RHD: variants seen among roughly 807,000 people sequenced by gnomAD.
The protein encoded by RHD is blood group Rh(D) polypeptide.
Under a neutral mutation model 45.5 loss-of-function variants are expected in RHD, and 16 were observed. The observed-to-expected ratio is 0.35, with a 90% CI of 0.24 to 0.53. The LOEUF is 0.53. Ranked by LOEUF, RHD falls within the 20% of genes least tolerant of loss-of-function variation. The pLI, the probability that RHD is intolerant of heterozygous loss-of-function variation, is 0.92. For synonymous variants in RHD, 131 were observed against 217.5 expected (o/e 0.60, Z 3.50); for missense variants, 306 against 532.0 (o/e 0.58, Z 4.18).
intron 1 of RHD, among the ~76,000 whole-genome samples, chr1:25,276,786 G>C (rs1238938215): frequency 1.5e-5 from 2 of 132,022 alleles, no homozygotes; most frequent in Admixed American, 7.4e-5. Context: ...AAACATAAAG[G>C]CTGGGTGTAG....
intron 3 of RHD, among the ~76,000 whole-genome samples, chr1:25,293,623 A>G (rs1426046399): frequency 1.5e-5 from 2 of 131,342 alleles, no homozygotes; most frequent in African/African-American, 5.2e-5. Context: ...AGGATTTAGA[A>G]ATTTATAATA....
Position 25,308,854 on chromosome 1 carries a change from C to A in RHD, c.1073+2125C>A, listed in dbSNP as rs191616274. Among the ~76,000 whole-genome samples, 22 of 131,168 alleles carry A rather than the reference C, an allele frequency of 1.7e-4. No individual in the cohort carries two copies. In the East Asian group the frequency reaches 4.1e-3, roughly 25 times the overall value. 86.1% of individuals were successfully genotyped at this position (131,168 alleles called of 152,430 possible). A position where few individuals can be genotyped will look rare whatever the true frequency, so the allele number is the denominator to read the frequency against. ...GGCGTGGGCTTCACCAGTGGTGAAG[C>A]CAGTCATGCAGCCTTAGTCCTGGTA... On this transcript the variant is annotated intron_variant, in intron 7 of 9. Coordinates refer to ENST00000328664, the MANE Select transcript of RHD (RefSeq NM_016124.6).
In RHD at chr1:25,306,764, A is replaced by G. The variant is rs1447367559; in HGVS notation, c.1073+35A>G. The G allele has an allele frequency of 7.3e-6, 10 of 1,366,346 alleles. 2 individuals carry two copies. Among genetic ancestry groups the G allele is most frequent in the Non-Finnish European group, 9.3e-6 (9 of 970,892 alleles). The allele number at this position is 1,366,346 out of a possible 1,614,324, so 84.6% of individuals were successfully genotyped here. On this transcript the variant is annotated intron_variant, in intron 7 of 9. Transcript: ENST00000328664. ...TGGGCTTACCCCCCATCCCCTTAACACTCCCCTCCAACTCAGGAAGAAATG... is the reference window on the plus strand; with the variant it reads ...TGGGCTTACCCCCCATCCCCTTAACGCTCCCCTCCAACTCAGGAAGAAATG...
Position 25,322,094 on chromosome 1 carries a change from A to T in RHD, c.1227+132A>T. On this transcript the variant is annotated intron_variant, in intron 9 of 9. Coordinates refer to ENST00000328664, the MANE Select transcript of RHD (RefSeq NM_016124.6). ...ATGGAGTAAGGAGCATTGCAGGAGG[A>T]ACTAGAGGAGAAACAAATCCATGAT... is the stretch of plus-strand genomic sequence containing the variant. The T allele has an allele frequency of 7.8e-6, 4 of 511,058 alleles. 1 individual carries two copies. Among genetic ancestry groups the T allele is most frequent in the Non-Finnish European group, 1.2e-5 (3 of 244,672 alleles). 31.7% of individuals were successfully genotyped at this position (511,058 alleles called of 1,614,324 possible).
At chr1:25,318,864 G>C (rs538175586) in intron 8 of RHD, among the ~76,000 whole-genome samples, 4 of 132,424 alleles carry the variant, frequency 3.0e-5, no homozygotes, top group African/African-American at 1.0e-4. Flanking sequence ...GGTACTTTTT[G>C]GAGTTACCTG....
Position 25,300,505 on chromosome 1 carries a change from C to G in RHD, c.487-441C>G, listed in dbSNP as rs1381560390. On this transcript the variant is annotated intron_variant, in intron 3 of 9. Coordinates refer to ENST00000328664, the MANE Select transcript of RHD (RefSeq NM_016124.6). ...CCAGCTTGAGCAATGGAGCAAGACT[C>G]TGTCTCAAAAAAAAAAAAAAAAGGC... 4.0e-4 allele frequency among the ~76,000 whole-genome samples: 10 copies of G among 24,872 alleles called. 1 individual carries two copies. The highest frequency in any genetic ancestry group is 9.2e-4 in the African/African-American group (10 of 10,912). 16.3% of individuals were successfully genotyped at this position (24,872 alleles called of 152,430 possible). A position where few individuals can be genotyped will look rare whatever the true frequency, so the allele number is the denominator to read the frequency against.
chr1:25,292,103 G>T (rs1642555650), intron 3 of RHD, among the ~76,000 whole-genome samples: 2 of 132,294 alleles, frequency 1.5e-5, no homozygotes. Context: ...TGTAATATGA[G>T]GGTAGCAGTA....
intron 1 of RHD, among the ~76,000 whole-genome samples, chr1:25,281,675 A>G (rs1641499924): frequency 7.6e-6 from 1 of 130,940 alleles, no homozygotes; most frequent in African/African-American, 2.6e-5. Context: ...CTAAGGATGC[A>G]AGCAGGAGAT....
Position 25,301,656 on chromosome 1 carries a change from C to A in RHD, c.771C>A (p.Ser257=), listed in dbSNP as rs1218335053. The A allele has an allele frequency of 7.2e-7, 1 of 1,380,062 alleles. No individual in the cohort carries two copies. 85.5% of individuals were successfully genotyped at this position (1,380,062 alleles called of 1,614,324 possible). A position where few individuals can be genotyped will look rare whatever the true frequency, so the allele number is the denominator to read the frequency against. The change falls in exon 5 of 10, where the codon TCC becomes TCA. Residue 257 remains serine, a synonymous_variant. Coordinates refer to ENST00000328664, the MANE Select transcript of RHD (RefSeq NM_016124.6). ...VSVVTAISGS[S]LAHPQGKISK... Reference sequence around the variant, plus strand: ...TGGTGACAGCCATCTCAGGGTCATCCTTGGCTCACCCCCAAGGGAAGATCA... The same window carrying A: ...TGGTGACAGCCATCTCAGGGTCATCATTGGCTCACCCCCAAGGGAAGATCA...
chr1:25,314,730 T>C (rs1644347535), intron 7 of RHD, among the ~76,000 whole-genome samples: 1 of 131,990 alleles, frequency 7.6e-6, no homozygotes, highest in African/African-American at 2.6e-5. Context: ...GATCTTGGAC[T>C]CCTGGCCTCA....
Position 25,295,850 on chromosome 1 carries a change from ATTTTTTTTTTTTTTTT to A in RHD, c.486+5073_487-5067del, listed in dbSNP as rs61131306. Among the ~76,000 whole-genome samples, 5 of 81,320 alleles carry A rather than the reference ATTTTTTTTTTTTTTTT, an allele frequency of 6.1e-5. 1 individual carries two copies. Among genetic ancestry groups the A allele is most frequent in the African/African-American group, 2.2e-4 (5 of 23,168 alleles). The allele number at this position is 81,320 out of a possible 152,430, so 53.3% of individuals were successfully genotyped here. On this transcript the variant is annotated intron_variant, in intron 3 of 9. Coordinates refer to ENST00000328664, the MANE Select transcript of RHD (RefSeq NM_016124.6). ...AATGGTCTGGGAGGGAATATGGGAA[ATTTTTTTTTTTTTTTT>A]TTTTTTTTTTTTTGAGATGGAGTTT...
chr1:25,272,820 T>C lies in RHD; in HGVS notation c.148+125T>C, dbSNP rs1350070101. 1.7e-5 allele frequency: 20 copies of C among 1,186,106 alleles called. 3 individuals are homozygous for C. The highest frequency in any genetic ancestry group is 1.1e-4 in the East Asian group (5 of 43,710). 73.5% of individuals were successfully genotyped at this position (1,186,106 alleles called of 1,614,324 possible). A position where few individuals can be genotyped will look rare whatever the true frequency, so the allele number is the denominator to read the frequency against. On this transcript the variant is annotated intron_variant, in intron 1 of 9. Transcript: ENST00000328664. ...AATCCCAAGGAAAAAGATTCCCCCA[T>C]CTTCTTCCGTAGATTGCACCGAAAT...
At chr1:25,318,034 A>G (rs571454114) in intron 8 of RHD, 1 of 131,728 alleles carries the variant, frequency 7.6e-6, no homozygotes, top group South Asian at 2.3e-4. Context: ...GCCAGGTGAA[A>G]ATATGTGGCT....
At chr1:25,314,797 C>A (rs1644350848) in intron 7 of RHD, among the ~76,000 whole-genome samples, 1 of 132,480 alleles carries the variant, frequency 7.5e-6, no homozygotes, top group Admixed American at 7.3e-5. Context: ...AGCCACCATG[C>A]CCAGCCCACC....
chr1:25,290,475 T>C (rs1642392488), intron 2 of RHD, among the ~76,000 whole-genome samples, 166 bp from the exon 3 acceptor site: 1 of 129,884 alleles, frequency 7.7e-6, no homozygotes, highest in Non-Finnish European at 1.8e-5. Flanking sequence ...CACTCCACTC[T>C]GCAGCATCAG....
At position 25,311,928 on chromosome 1, in the gene RHD, G is replaced by A. The variant is rs1644171370; in HGVS notation, c.1074-5072G>A. ...GTGCTGTGAACAGCCACCCCAGAGA[G>A]CCCCTAGTAGAGCAGGGTCTAGTGG... On this transcript the variant is annotated intron_variant, in intron 7 of 9. Coordinates refer to ENST00000328664, the MANE Select transcript of RHD (RefSeq NM_016124.6). Among the ~76,000 whole-genome samples the A allele has an allele frequency of 1.5e-5, 2 of 130,880 alleles. 1 individual carries two copies. The highest frequency in any genetic ancestry group is 3.9e-4 in the East Asian group (2 of 5,138). The allele number at this position is 130,880 out of a possible 152,430, so 85.9% of individuals were successfully genotyped here. A position where few individuals can be genotyped will look rare whatever the true frequency, so the allele number is the denominator to read the frequency against.
chr1:25,309,946 T>C (rs1644053166), intron 7 of RHD, among the ~76,000 whole-genome samples: 1 of 132,938 alleles, frequency 7.5e-6, no homozygotes, highest in Admixed American at 7.3e-5. Flanking sequence ...TCAGCAGGTT[T>C]GGGTTTATCC....
intron 1 of RHD, among the ~76,000 whole-genome samples, chr1:25,283,926 C>T (rs1641724258): frequency 7.4e-6 from 1 of 134,366 alleles, no homozygotes; most frequent in Non-Finnish European, 1.8e-5. Context: ...CTTCCACTCA[C>T]CTGCCACAGC....
rs1452784264 is a variant in RHD at position 25,277,884 on chromosome 1, G to C, written c.148+5189G>C. Among the ~76,000 whole-genome samples, 2 of 132,492 alleles carry C rather than the reference G, an allele frequency of 1.5e-5. 1 individual carries two copies. Among genetic ancestry groups the C allele is most frequent in the African/African-American group, 5.1e-5 (2 of 38,906 alleles). 86.9% of individuals were successfully genotyped at this position (132,492 alleles called of 152,430 possible). ...AGATGGGGTTTCTCCATGTTGGTGA[G>C]GCTGGTCTCGAACTCCCAACCTCAG... On this transcript the variant is annotated intron_variant, in intron 1 of 9. Transcript: ENST00000328664.
Sources: allele counts gnomAD v4.1 joint callset (sites outside exome capture counted in the v4.1 genomes callset), GRCh38; gene constraint gnomAD v4.1.1; transcripts MANE v1.5; gene names NCBI Gene and HGNC (gene_info 2026-07-23, HGNC 2026-07-21).